Variants in LEPR observed in about 807,000 individuals in gnomAD.
LEPR encodes OB receptor.
LEPR carries 56 observed loss-of-function variants against 114.7 expected under a neutral mutation model. That is an observed-to-expected ratio of 0.49 (90% CI 0.39 to 0.61). The LOEUF (loss-of-function observed/expected upper bound fraction) is 0.61, where lower values mean the gene tolerates loss of function less well. LEPR is among the 20% of genes least tolerant of loss of function. The pLI, the probability that LEPR is intolerant of heterozygous loss-of-function variation, is 0.00. For missense variants in LEPR, 1,202 were observed against 1,352.9 expected (o/e 0.89, Z 1.75); for synonymous variants, 443 against 461.4 (o/e 0.96, Z 0.51).
chr1:65,551,115 T>C (rs1369520876), intron 2 of LEPR, among the ~76,000 whole-genome samples: 1 of 152,200 alleles, frequency 6.6e-6, no homozygotes, highest in African/African-American at 2.4e-5. Context: ...GGATTCTTTT[T>C]GCCAGTATTT....
intron 2 of LEPR, among the ~76,000 whole-genome samples, chr1:65,517,538 T>C (rs1649351544): frequency 6.6e-6 from 1 of 152,214 alleles, no homozygotes; most frequent in South Asian, 2.1e-4. Context: ...GAATTGGTCA[T>C]GTTCTATGGA....
At chr1:65,612,085 G>C (rs189879184) in intron 14 of LEPR, among the ~76,000 whole-genome samples, 123 of 152,314 alleles carry the variant, frequency 8.1e-4, no homozygotes, top group Middle Eastern at 6.8e-3. Context: ...ATAGTTCAAT[G>C]ATTACGGTTC....
chr1:65,496,952 C>T (rs1039190076), intron 2 of LEPR, among the ~76,000 whole-genome samples: 1 of 151,054 alleles, frequency 6.6e-6, no homozygotes, highest in South Asian at 2.1e-4. Context: ...ATGTGCACAT[C>T]CAAATTTGAA....
chr1:65,601,900 G>T lies in LEPR; in HGVS notation c.1343G>T (p.Arg448Ile), dbSNP rs770942342. 6.2e-7 allele frequency: 1 copy of T among 1,613,652 alleles called. No individual in the cohort carries two copies. The highest frequency in any genetic ancestry group is 8.5e-7 in the Non-Finnish European group (1 of 1,179,678). ...TDGYLTKMTC[R>I]WSTSTIQSLA... Reference sequence around the variant, plus strand: ...GGGTACTTAACTAAAATGACTTGCAGATGGTCAACCAGTACAATCCAGTCA... The same window carrying T: ...GGGTACTTAACTAAAATGACTTGCATATGGTCAACCAGTACAATCCAGTCA... The change falls in exon 10 of 20, where the codon AGA (arginine) becomes ATA (isoleucine). Residue 448 changes from arginine to isoleucine, a missense_variant. Arg to Ile is a moderately conservative substitution (Grantham distance 97). Coordinates refer to ENST00000349533, the MANE Select transcript of LEPR (RefSeq NM_002303.6).
intron 2 of LEPR, among the ~76,000 whole-genome samples, chr1:65,548,888 A>G (rs898803268): frequency 5.3e-5 from 8 of 152,182 alleles, no homozygotes; most frequent in Non-Finnish European, 1.0e-4. Flanking sequence ...TAGTTGATGC[A>G]GTTTCTTCCT....
intron 2 of LEPR, chr1:65,430,116 C>A: frequency 7.5e-7 from 1 of 1,338,938 alleles, no homozygotes; most frequent in Non-Finnish European, 1.0e-6. Context: ...GTGTCTGGGA[C>A]CTCCATTTCA....
chr1:65,515,105 T>A (rs2100563121), intron 2 of LEPR, among the ~76,000 whole-genome samples: 1 of 152,216 alleles, frequency 6.6e-6, no homozygotes, highest in Non-Finnish European at 1.5e-5. Flanking sequence ...CAGATGATGG[T>A]GGTGGGTGAT....
intron 2 of LEPR, among the ~76,000 whole-genome samples, chr1:65,539,323 G>T (rs1440491118): frequency 6.6e-6 from 1 of 151,058 alleles, no homozygotes; most frequent in African/African-American, 2.4e-5. Context: ...TTTTATAAAA[G>T]AAAAATTTAA....
chr1:65,589,943 T>A (rs2100884735), intron 5 of LEPR, among the ~76,000 whole-genome samples: 1 of 152,174 alleles, frequency 6.6e-6, no homozygotes, highest in African/African-American at 2.4e-5. Flanking sequence ...ATTCATCTTG[T>A]CAATTTGTGT....
intron 19 of LEPR, chr1:65,629,310 T>G (rs759431074): frequency 2.7e-5 from 12 of 439,616 alleles, no homozygotes; most frequent in South Asian, 2.0e-4. Flanking sequence ...TCTCTAAATC[T>G]AAGTTTATGT....
chr1:65,491,265 C>G (rs1453356903), intron 2 of LEPR, among the ~76,000 whole-genome samples: 1 of 152,050 alleles, frequency 6.6e-6, no homozygotes, highest in Admixed American at 6.6e-5. Context: ...GCTTAAAATC[C>G]TTTATGATAA....
chr1:65,626,962 A>T (rs939354855), intron 19 of LEPR, among the ~76,000 whole-genome samples: 2 of 152,218 alleles, frequency 1.3e-5, no homozygotes, highest in African/African-American at 4.8e-5. Flanking sequence ...AAGGAAAAAT[A>T]ATATAGTGTA....
In LEPR at chr1:65,640,450, A is replaced by G. The variant is rs1658829125; in HGVS notation, c.*3435A>G. The G allele has an allele frequency of 6.6e-6, 1 of 152,212 alleles. No homozygotes were observed. 9.4% of individuals were successfully genotyped at this position (152,212 alleles called of 1,614,324 possible). On this transcript the variant is annotated 3_prime_UTR_variant, in exon 20 of 20. Transcript: ENST00000349533. ...TTGAGAAAGCCCATTCTTAAATTTT[A>G]AGTCACAAAATTATAGTTGTCCACT...
chr1:65,476,893 A>G (rs1400121465), intron 2 of LEPR, among the ~76,000 whole-genome samples: 2 of 152,210 alleles, frequency 1.3e-5, no homozygotes, highest in African/African-American at 2.4e-5. Flanking sequence ...ACAATTTTAT[A>G]TTTTACTGTG....
chr1:65,509,667 T>C (rs536964133), intron 2 of LEPR, among the ~76,000 whole-genome samples: 1 of 152,230 alleles, frequency 6.6e-6, no homozygotes, highest in South Asian at 2.1e-4. Context: ...TTCTTTGTTA[T>C]GTTATGTTAT....
At chr1:65,550,842 C>T (rs906261941) in intron 2 of LEPR, among the ~76,000 whole-genome samples, 1 of 152,174 alleles carries the variant, frequency 6.6e-6, no homozygotes, top group South Asian at 2.1e-4. Flanking sequence ...CACCCACTGT[C>T]TGGCACTCCC....
intron 7 of LEPR, among the ~76,000 whole-genome samples, chr1:65,598,224 A>G (rs1159482895): frequency 6.6e-6 from 1 of 151,040 alleles, no homozygotes; most frequent in African/African-American, 2.4e-5. Context: ...ATGAGCCACC[A>G]TGCCTGACCA....
intron 2 of LEPR, among the ~76,000 whole-genome samples, chr1:65,532,838 G>A (rs917871848): frequency 6.6e-6 from 1 of 152,104 alleles, no homozygotes; most frequent in Non-Finnish European, 1.5e-5. Flanking sequence ...GGTGAAAGGG[G>A]AGCGACTGCT....
intron 19 of LEPR, among the ~76,000 whole-genome samples, chr1:65,627,174 AC>A: frequency 6.6e-6 from 1 of 152,264 alleles, no homozygotes; most frequent in South Asian, 2.1e-4. Context: ...GATCTATCTG[AC>A]TCAAATTGAT....
Sources: gnomAD v4.1 joint callset for allele counts (sites outside exome capture counted in the v4.1 genomes callset) on GRCh38, gnomAD v4.1.1 for gene constraint, MANE v1.5 for transcripts, NCBI Gene and HGNC (gene_info 2026-07-23, HGNC 2026-07-21) for gene names.